RRP1: variants seen among roughly 807,000 people sequenced by gnomAD.
The protein encoded by RRP1 is ribosomal RNA processing 1, also known as ribosomal RNA processing protein 1 homolog A.
Under a neutral mutation model 54.6 loss-of-function variants are expected in RRP1, and 37 were observed. The observed-to-expected ratio is 0.68, with a 90% CI of 0.52 to 0.89. RRP1 has a LOEUF of 0.89. Ranked by LOEUF, RRP1 falls within the 40% of genes least tolerant of loss-of-function variation. RRP1 has a pLI of 0.00. For missense variants in RRP1, 639 were observed against 612.5 expected (o/e 1.04, Z -0.46); for synonymous variants, 262 against 244.3 (o/e 1.07, Z -0.67).
chr21:43,800,828 C>T (rs970795525), intron 10 of RRP1, 34 bp from the exon 11 acceptor site: 1 of 1,612,980 alleles, frequency 6.2e-7, no homozygotes, highest in African/African-American at 1.3e-5. Flanking sequence ...GAAGCCGCAG[C>T]TGTGGTAAGT....
intron 8 of RRP1, among the ~76,000 whole-genome samples, chr21:43,798,358 G>T (rs2085046203): frequency 6.6e-6 from 1 of 152,106 alleles, no homozygotes; most frequent in African/African-American, 2.4e-5. Context: ...CATGCCTCTG[G>T]CTCAGTTGGC....
At chr21:43,799,478 C>A in intron 8 of RRP1, 92 bp from the exon 9 acceptor site, 1 of 1,351,498 alleles carries the variant, frequency 7.4e-7, no homozygotes, top group East Asian at 2.4e-5. Context: ...GTGCTCCGAC[C>A]AGGGTGCACG....
chr21:43,791,489 A>G (rs1300344689), intron 2 of RRP1, 57 bp downstream of exon 2: 3 of 1,506,704 alleles, frequency 2.0e-6, no homozygotes, highest in African/African-American at 2.8e-5. Flanking sequence ...ATGGATGGGC[A>G]TCTGGTCAAC....
rs1287666272 is a variant in RRP1 at position 43,798,000 on chromosome 21, C to T, written c.711C>T (p.Asp237=). Residue 237 remains aspartate, a synonymous_variant, in exon 8 of 13, where the codon GAC becomes GAT. Coordinates refer to ENST00000497547, the MANE Select transcript of RRP1 (RefSeq NM_003683.6). ...TTGAAGACCTCCTGAATGAACTGGA[C>T]ACACAGGATGAGGAGGTGGCGTCGG... ...LAIEDLLNEL[D]TQDEEVASDS... is the part of the protein sequence containing the mutation. The T allele has an allele frequency of 6.2e-7, 1 of 1,614,176 alleles. No homozygotes were observed.
intron 4 of RRP1, 98 bp downstream of exon 4, chr21:43,793,502 G>A: frequency 9.9e-7 from 1 of 1,005,768 alleles, no homozygotes; most frequent in South Asian, 1.4e-5. Context: ...GGCAACCTGA[G>A]GCAGTGCGAC....
Position 43,799,613 on chromosome 21 carries a change from A to G in RRP1, c.855A>G (p.Ala285=). The G allele has an allele frequency of 1.9e-6, 3 of 1,612,234 alleles. No homozygotes were observed. In the South Asian group the frequency reaches 3.3e-5, roughly 18 times the overall value. ...AACCTGAGGCTGGTGAGGAGCAGGCAGGTGACGACAGGGACAGTGGCGGCC... is the reference window on the plus strand; with the variant it reads ...AACCTGAGGCTGGTGAGGAGCAGGCGGGTGACGACAGGGACAGTGGCGGCC... ...RAEPEAGEEQ[A]GDDRDSGGPV... The change falls in exon 9 of 13, where the codon GCA becomes GCG. Residue 285 remains alanine (A), a synonymous_variant. Transcript: ENST00000497547.
intron 12 of RRP1, 179 bp downstream of exon 12, chr21:43,802,566 T>C: frequency 3.4e-6 from 2 of 581,756 alleles, no homozygotes; most frequent in East Asian, 3.0e-5. Flanking sequence ...CCTGTAGGCC[T>C]CTCCCTGCCT....
chr21:43,791,228 C>G, intron 1 of RRP1, 122 bp from the exon 2 acceptor site: 1 of 977,312 alleles, frequency 1.0e-6, no homozygotes, highest in East Asian at 2.4e-5. Flanking sequence ...ATTCTGCCCC[C>G]CAGTTGCCTT....
At chr21:43,795,299 G>C in intron 5 of RRP1, 49 bp downstream of exon 5, 1 of 1,563,126 alleles carries the variant, frequency 6.4e-7, no homozygotes, top group Admixed American at 1.7e-5. Flanking sequence ...CTCGGGGACC[G>C]CAGTCGTGTT....
chr21:43,797,459 A>T lies in RRP1; in HGVS notation c.460A>T (p.Ile154Phe). 6.2e-7 allele frequency: 1 copy of T among 1,613,504 alleles called. No homozygotes were observed. Among genetic ancestry groups the T allele is most frequent in the Non-Finnish European group, 8.5e-7 (1 of 1,179,990 alleles). ...EELLELLMTEILHPSSQAPNG... is the reference protein window; with the variant it reads ...EELLELLMTEFLHPSSQAPNG... ...GCTGCTAGAGCTGCTGATGACTGAGATCCTGCACCCCAGCAGCCAGGCCCC... is the reference window on the plus strand; with the variant it reads ...GCTGCTAGAGCTGCTGATGACTGAGTTCCTGCACCCCAGCAGCCAGGCCCC... The change falls in exon 6 of 13, where the codon ATC becomes TTC. Residue 154 changes from isoleucine (I) to phenylalanine (F), a missense_variant. Ile to Phe is a conservative substitution (Grantham distance 21, BLOSUM62 0). Coordinates refer to ENST00000497547, the MANE Select transcript of RRP1 (RefSeq NM_003683.6).
chr21:43,797,798 G>A (rs1657465200), intron 7 of RRP1, 103 bp downstream of exon 7: 1 of 1,570,838 alleles, frequency 6.4e-7, no homozygotes, highest in African/African-American at 1.4e-5. Flanking sequence ...ATCTGTCTCA[G>A]AGTGGCCGCT....
chr21:43,803,912 G>A lies in RRP1; in HGVS notation c.*138G>A. The A allele has an allele frequency of 9.6e-7, 1 of 1,046,678 alleles. No homozygotes were observed. Among genetic ancestry groups the A allele is most frequent in the Non-Finnish European group, 1.3e-6 (1 of 742,566 alleles). 64.8% of individuals were successfully genotyped at this position (1,046,678 alleles called of 1,614,324 possible). A position where few individuals can be genotyped will look rare whatever the true frequency, so the allele number is the denominator to read the frequency against. Reference sequence around the variant, plus strand: ...CCAGGCGGGAGGGAAGGGCGGCACTGGAGAGATGGGCCCATCATTAGGGGC... The same window carrying A: ...CCAGGCGGGAGGGAAGGGCGGCACTAGAGAGATGGGCCCATCATTAGGGGC... On this transcript the variant is annotated 3_prime_UTR_variant, in exon 13 of 13. Transcript: ENST00000497547.
intron 5 of RRP1, 54 bp downstream of exon 5, chr21:43,795,304 C>G: frequency 1.3e-6 from 2 of 1,544,352 alleles, no homozygotes; most frequent in Non-Finnish European, 8.9e-7. Flanking sequence ...GGACCGCAGT[C>G]GTGTTTGTCA....
chr21:43,798,179 C>G, intron 8 of RRP1, 79 bp downstream of exon 8: 1 of 1,245,944 alleles, frequency 8.0e-7, no homozygotes, highest in South Asian at 1.5e-5. Context: ...TGGGTTGCTC[C>G]TGCCACCTCC....
At position 43,789,778 on chromosome 21, in the gene RRP1, G is replaced by A. The variant is rs199920102; in HGVS notation, c.133+16G>A. ...CGGGCCGCAGGTTGGCGGGGGTGTG[G>A]GCGGCTGGCGTCTCGGGGGCCGGCT... On this transcript the variant is annotated intron_variant, in intron 1 of 12. Transcript: ENST00000497547. 17,157 of 1,502,244 alleles carry A rather than the reference G, an allele frequency of 0.011. 144 individuals carry two copies. Among genetic ancestry groups the A allele is most frequent in the Non-Finnish European group, 0.014 (15,443 of 1,123,884 alleles). 93.1% of individuals were successfully genotyped at this position (1,502,244 alleles called of 1,614,324 possible).
intron 2 of RRP1, among the ~76,000 whole-genome samples, chr21:43,792,030 C>T (rs1054145924): frequency 5.9e-5 from 9 of 152,170 alleles, no homozygotes; most frequent in Non-Finnish European, 1.5e-5. Context: ...GTGGAAACCA[C>T]GGGGCGGAAT....
At chr21:43,794,216 G>T (rs1414805025) in intron 4 of RRP1, among the ~76,000 whole-genome samples, 1 of 152,168 alleles carries the variant, frequency 6.6e-6, no homozygotes, top group African/African-American at 2.4e-5. Flanking sequence ...GAAAGGCCTG[G>T]AGCTCAAGAA....
At chr21:43,800,755 G>T in intron 10 of RRP1, 107 bp from the exon 11 acceptor site, 1 of 1,556,056 alleles carries the variant, frequency 6.4e-7, no homozygotes, top group South Asian at 1.1e-5. Context: ...ACCGTCCCCA[G>T]CCCCTGGGGT....
intron 8 of RRP1, among the ~76,000 whole-genome samples, 191 bp downstream of exon 8, chr21:43,798,291 C>T (rs2085045557): frequency 6.6e-6 from 1 of 152,110 alleles, no homozygotes; most frequent in South Asian, 2.1e-4. Context: ...CCCCTCATCC[C>T]CCAGCCTCTG....
Sources: allele counts gnomAD v4.1 joint callset (sites outside exome capture counted in the v4.1 genomes callset), GRCh38; gene constraint gnomAD v4.1.1; transcripts MANE v1.5; gene names NCBI Gene and HGNC (gene_info 2026-07-23, HGNC 2026-07-21).